E2F2: variants seen among roughly 807,000 people sequenced by gnomAD.
The protein encoded by E2F2 is transcription factor E2F2.
In E2F2, 22 loss-of-function variants were observed where a neutral mutation model predicts 42.2. The ratio of observed to expected loss-of-function variants is 0.52; its 90% confidence interval spans 0.37 to 0.74. The LOEUF (loss-of-function observed/expected upper bound fraction) is 0.74, where lower values mean the gene tolerates loss of function less well. E2F2 is among the 30% of genes least tolerant of loss of function. The pLI is 0.00. For synonymous variants in E2F2, 248 were observed against 251.6 expected, an observed-to-expected ratio of 0.99 and a Z score of 0.13; for missense variants, 481 against 557.8, an observed-to-expected ratio of 0.86 and a Z score of 1.39.
rs1558254028 is a variant in E2F2, at chr1:23,524,440, C to G, written c.301G>C (p.Glu101Gln). Residue 101 changes from glutamate (E) to glutamine (Q), a missense_variant, in exon 2 of 7, where the codon GAG becomes CAG. By Grantham distance (29) the Glu-to-Gln change is conservative. Coordinates refer to ENST00000361729, the MANE Select transcript of E2F2 (RefSeq NM_004091.4). Reference protein sequence around the residue: ...LEGIGRPVVPEFPTPKGKCIR... With the variant: ...LEGIGRPVVPQFPTPKGKCIR... The stretch of plus-strand genomic sequence containing the variant: ...CACTTCCCCTTGGGGGTTGGGAACT[C>G]AGGGACGACGGGCCTCCCAATCCCC... The G allele has an allele frequency of 1.9e-6, 3 of 1,613,594 alleles. No individual in the cohort carries two copies. The highest frequency in any genetic ancestry group is 1.7e-6 in the Non-Finnish European group (2 of 1,179,742).
intron 6 of E2F2, among the ~76,000 whole-genome samples, chr1:23,515,793 C>T (rs1351358600): frequency 6.6e-6 from 1 of 152,198 alleles, no homozygotes; most frequent in Non-Finnish European, 1.5e-5. Context: ...CCTCAACCTC[C>T]ATGGCTCAAG....
chr1:23,516,346 G>A lies in E2F2; in HGVS notation c.1034C>T (p.Thr345Ile), dbSNP rs1018470305. ...SSTDPSIMEP[T>I]ASSVPAPAPT... ...GACAAGGGACCTACCTGAGGATGCT[G>A]TGGGCTCCATGATGCTAGGGTCGGT... is the stretch of plus-strand genomic sequence containing the variant. Residue 345 changes from threonine (T) to isoleucine (I), a missense_variant, in exon 6 of 7, where the codon ACA (threonine) becomes ATA (isoleucine). Transcript: ENST00000361729. 4 of 1,543,782 alleles carry A rather than the reference G, an allele frequency of 2.6e-6. No homozygotes were observed. The Admixed American group carries it at 8.6e-5, about 33-fold the overall frequency.
chr1:23,521,637 C>T (rs1262552443), intron 3 of E2F2, 200 bp downstream of exon 3: 11 of 985,322 alleles, frequency 1.1e-5, no homozygotes, highest in South Asian at 4.7e-5. Context: ...AGGTACACGG[C>T]GCTCTTCCTC....
chr1:23,519,271 T>C (rs1231974143), intron 4 of E2F2, 141 bp from the exon 5 acceptor site: 1 of 529,950 alleles, frequency 1.9e-6, no homozygotes, highest in Non-Finnish European at 3.4e-6. Context: ...TAATACAATC[T>C]GTAACCTGTT....
intron 2 of E2F2, 103 bp from the exon 3 acceptor site, chr1:23,522,159 C>T: frequency 9.6e-7 from 1 of 1,045,012 alleles, no homozygotes. Flanking sequence ...TCACCACCCA[C>T]TTTCCAGTTT....
Position 23,521,829 on chromosome 1 carries a change from G to A in E2F2, c.578+8C>T, listed in dbSNP as rs1239944733. 1.9e-6 allele frequency: 3 copies of A among 1,613,394 alleles called. No individual in the cohort carries two copies. Among genetic ancestry groups the A allele is most frequent in the Non-Finnish European group, 2.5e-6 (3 of 1,179,942 alleles). On this transcript the variant is annotated splice_region_variant and intron_variant, in intron 3 of 6. Transcript: ENST00000361729. ...TTGGAGGGTACCACTGGCCGCCCAGGCACTCACACCCACTGGATGTTGTTC... is the reference window on the plus strand; with the variant it reads ...TTGGAGGGTACCACTGGCCGCCCAGACACTCACACCCACTGGATGTTGTTC...
At position 23,508,419 on chromosome 1, in the gene E2F2, C is replaced by T. The variant is rs1179973677; in HGVS notation, c.*1461G>A. ...CCTGAGGGGTGGATGGCAGGCCTCT[C>T]AGACCAACCCCTGAGCCTCTCTCCA... is the stretch of plus-strand genomic sequence containing the variant. On this transcript the variant is annotated 3_prime_UTR_variant, in exon 7 of 7. Transcript: ENST00000361729. 1 of 152,332 alleles carries T rather than the reference C, an allele frequency of 6.6e-6. No homozygotes were observed. Among genetic ancestry groups the T allele is most frequent in the East Asian group, 1.9e-4 (1 of 5,206 alleles). 9.4% of individuals were successfully genotyped at this position (152,332 alleles called of 1,614,324 possible).
rs78920590 is a variant in E2F2, at chr1:23,529,234, A to C, written c.252+1308T>G. Among the ~76,000 whole-genome samples the C allele has an allele frequency of 4.8e-3, 734 of 152,306 alleles. 10 individuals are homozygous for C. Among genetic ancestry groups the C allele is most frequent in the African/African-American group, 0.017 (704 of 41,548 alleles). On this transcript the variant is annotated intron_variant, in intron 1 of 6. Transcript: ENST00000361729. ...GATGTTTTAGGCTATAAAACACTGA[A>C]CACAAGATACCCAATCCCAGTTATC...
rs558205885 is a variant in E2F2, at chr1:23,520,902, A to T, written c.737+11T>A. 1 of 1,560,892 alleles carries T rather than the reference A, an allele frequency of 6.4e-7. No individual in the cohort carries two copies. The highest frequency in any genetic ancestry group is 2.4e-5 in the East Asian group (1 of 41,442). ...TGCTCCCTGACACCTTCCCCCAACC[A>T]AGGAGGATATCTCTTGTTGGCCTTG... On this transcript the variant is annotated intron_variant, in intron 4 of 6. Transcript: ENST00000361729.
chr1:23,521,086 G>GC lies in E2F2; in HGVS notation c.579-16dup, dbSNP rs765067892. On this transcript the variant is annotated splice_polypyrimidine_tract_variant and intron_variant, in intron 3 of 6. Transcript: ENST00000361729. Reference sequence around the variant, plus strand: ...TTCCCCTGCCTCTGGGAACAGAGCAGCCCCCCAGTGTCAGTCTGTGGGTGA... The same window carrying GC: ...TTCCCCTGCCTCTGGGAACAGAGCAGCCCCCCCAGTGTCAGTCTGTGGGTGA... The GC allele has an allele frequency of 1.3e-6, 2 of 1,599,356 alleles. No homozygotes were observed. The highest frequency in any genetic ancestry group is 2.3e-5 in the East Asian group (1 of 44,332).
At chr1:23,518,849 C>T (rs920688029) in intron 5 of E2F2, among the ~76,000 whole-genome samples, 167 bp downstream of exon 5, 2 of 152,220 alleles carry the variant, frequency 1.3e-5, no homozygotes, top group Non-Finnish European at 2.9e-5. Context: ...TTTCCAGCTT[C>T]TGCCATTTCT....
intron 1 of E2F2, among the ~76,000 whole-genome samples, chr1:23,525,956 G>A (rs1162812220): frequency 3.3e-5 from 5 of 151,976 alleles, no homozygotes. Flanking sequence ...AGCACAGCTG[G>A]GCTGACAGGT....
chr1:23,519,369 A>G, intron 4 of E2F2: 1 of 319,676 alleles, frequency 3.1e-6, no homozygotes, highest in East Asian at 5.2e-5. Flanking sequence ...AATCATAAAA[A>G]ATGTTGCCTT....
downstream of E2F2, among the ~76,000 whole-genome samples, chr1:23,505,322 A>C (rs1311983210): frequency 6.6e-6 from 1 of 152,194 alleles, no homozygotes; most frequent in Non-Finnish European, 1.5e-5. Flanking sequence ...TTAGAACTAC[A>C]TTTTAGAAAG....
At chr1:23,524,608 G>A (rs1643218257) in intron 1 of E2F2, 120 bp from the exon 2 acceptor site, 7 of 761,054 alleles carry the variant, frequency 9.2e-6, no homozygotes, top group South Asian at 3.6e-5. Flanking sequence ...TCAGTTTACC[G>A]CCAGTCCTGG....
At chr1:23,505,515 G>T (rs1642780637), downstream of E2F2, among the ~76,000 whole-genome samples, 2 of 150,264 alleles carry the variant, frequency 1.3e-5, no homozygotes, top group African/African-American at 4.9e-5. Context: ...CTGAGGCAAG[G>T]TCTCTTTTTT....
At position 23,509,847 on chromosome 1, in the gene E2F2, C is replaced by G. The variant is rs913982540; in HGVS notation, c.*33G>C. 1 of 1,519,090 alleles carries G rather than the reference C, an allele frequency of 6.6e-7. No individual in the cohort carries two copies. Among genetic ancestry groups the G allele is most frequent in the Non-Finnish European group, 8.8e-7 (1 of 1,131,358 alleles). The allele number at this position is 1,519,090 out of a possible 1,614,324, so 94.1% of individuals were successfully genotyped here. A position where few individuals can be genotyped will look rare whatever the true frequency, so the allele number is the denominator to read the frequency against. On this transcript the variant is annotated 3_prime_UTR_variant, in exon 7 of 7. Coordinates refer to ENST00000361729, the MANE Select transcript of E2F2 (RefSeq NM_004091.4). ...CAGCCTGTCTGTGAGGAGGTAGAGT[C>G]GGGGGCAGGCTGCTGGGGGCAGGCA...
At chr1:23,529,664 C>T (rs3218130) in intron 1 of E2F2, among the ~76,000 whole-genome samples, 9,759 of 152,284 alleles carry the variant, frequency 0.064, 352 homozygotes, top group South Asian at 0.12. Flanking sequence ...GGAGAGAACA[C>T]TGAAGCCCAG....
chr1:23,524,361 A>T, intron 2 of E2F2, 22 bp downstream of exon 2: 4 of 1,481,684 alleles, frequency 2.7e-6, no homozygotes, highest in Non-Finnish European at 3.7e-6. Context: ...CCCACCCCAG[A>T]GGCCCCATCA....
Sources: allele counts gnomAD v4.1 joint callset (sites outside exome capture counted in the v4.1 genomes callset), GRCh38; gene constraint gnomAD v4.1.1; transcripts MANE v1.5; gene names NCBI Gene and HGNC (gene_info 2026-07-23, HGNC 2026-07-21).